The following SLC39A4 variants were observed in gnomAD, a reference collection of about 807,000 sequenced individuals.
SLC39A4 encodes the protein solute carrier family 39 member 4, also known as zinc transporter ZIP4.
Under a neutral mutation model 56.6 loss-of-function variants are expected in SLC39A4, and 49 were observed. The ratio of observed to expected loss-of-function variants is 0.87; its 90% CI spans 0.69 to 1.10. The LOEUF (loss-of-function observed/expected upper bound fraction) is 1.10, where lower values mean the gene tolerates loss of function less well. Ranked by LOEUF, SLC39A4 falls within the 50% of genes least tolerant of loss-of-function variation. SLC39A4 has a pLI of 0.00. For synonymous variants in SLC39A4, 540 were observed against 420.4 expected (o/e 1.28, Z -3.48); for missense variants, 993 against 864.2 (o/e 1.15, Z -1.87).
Position 144,415,161 on chromosome 8 carries a change from C to T in SLC39A4, c.668-51G>A, listed in dbSNP as rs1029585897. On this transcript the variant is annotated intron_variant, in intron 3 of 11. Transcript: ENST00000301305. ...CGAGTCTGTGTGGGCTCCGGCCCTG[C>T]CCCCCAGGGACGTGGAGGCTGGGGA... is the stretch of plus-strand genomic sequence containing the variant. 3.1e-6 allele frequency: 5 copies of T among 1,612,534 alleles called. No homozygotes were observed. The Admixed American group carries it at 5.0e-5, about 16-fold the overall frequency.
chr8:144,416,234 C>T lies in SLC39A4; in HGVS notation c.193-143G>A, dbSNP rs1172113497. 3.1e-5 allele frequency: 49 copies of T among 1,579,138 alleles called. 1 individual carries two copies. The South Asian group carries it at 3.7e-4, about 12-fold the overall frequency. ...CCTCTCTCAACCCCTGGCGCCCTTCCGTCTCCCCAGGCCCCTGTCCTGCTT... is the reference window on the plus strand; with the variant it reads ...CCTCTCTCAACCCCTGGCGCCCTTCTGTCTCCCCAGGCCCCTGTCCTGCTT... On this transcript the variant is annotated intron_variant, in intron 1 of 11. Coordinates refer to ENST00000301305, the MANE Select transcript of SLC39A4 (RefSeq NM_130849.4).
At chr8:144,416,422 T>C (rs1322965901) in intron 1 of SLC39A4, 176 bp downstream of exon 1, 2 of 1,447,508 alleles carry the variant, frequency 1.4e-6, no homozygotes, top group South Asian at 1.5e-5. Flanking sequence ...AAGGCCTGTC[T>C]GCCCTCATGA....
chr8:144,415,497 C>T, intron 2 of SLC39A4, 78 bp from the exon 3 acceptor site: 1 of 1,454,202 alleles, frequency 6.9e-7, no homozygotes, highest in Non-Finnish European at 9.3e-7. Context: ...GATGCATCTC[C>T]CACCCCAACT....
In SLC39A4 at chr8:144,415,946, T is replaced by C; in HGVS notation, c.338A>G (p.Asp113Gly). 2 of 1,594,682 alleles carry C rather than the reference T, an allele frequency of 1.3e-6. No homozygotes were observed. Among genetic ancestry groups the C allele is most frequent in the Non-Finnish European group, 1.7e-6 (2 of 1,173,198 alleles). The change falls in exon 2 of 12, where the codon GAC becomes GGC. Residue 113 changes from aspartate (D) to glycine (G), a missense_variant. Coordinates refer to ENST00000301305, the MANE Select transcript of SLC39A4 (RefSeq NM_130849.4). ...AGAGGCCCAGAGGCCAGCCCGAGCG[T>C]CCTCACAGGTGCCCTCGGGGTTGCT... ...YLSNPEGTCE[D>G]ARAGLWASHA...
Position 144,416,068 on chromosome 8 carries a change from C to T in SLC39A4, c.216G>A (p.Leu72=), listed in dbSNP as rs782722255. The T allele has an allele frequency of 1.1e-5, 17 of 1,594,966 alleles. No homozygotes were observed. The East Asian group carries it at 3.4e-4, about 32-fold the overall frequency. ...CGKCLSVEDA[L]GLGEPEGSGL... is the part of the protein sequence containing the mutation. The stretch of plus-strand genomic sequence containing the variant: ...CTGACCCCTCAGGCTCGCCCAGGCC[C>T]AGGGCGTCCTCCACAGACAGGCACT... The change falls in exon 2 of 12, where the codon CTG becomes CTA. Residue 72 remains leucine (L), a synonymous_variant. Transcript: ENST00000301305.
chr8:144,415,608 C>T (rs1379461744), intron 2 of SLC39A4, among the ~76,000 whole-genome samples, 189 bp from the exon 3 acceptor site: 1 of 152,190 alleles, frequency 6.6e-6, no homozygotes, highest in Non-Finnish European at 1.5e-5. Flanking sequence ...GGGTTCCTCC[C>T]TCATGAGGTC....
Position 144,416,736 on chromosome 8 carries a change from C to CA in SLC39A4, c.53dup (p.Thr19AspfsTer60). 1 of 1,612,654 alleles carries CA rather than the reference C, an allele frequency of 6.2e-7. No homozygotes were observed. The highest frequency in any genetic ancestry group is 1.1e-5 in the South Asian group (1 of 91,050). ...CAGCAGGCGGGGACGCCGTCGCCGT[C>CA]ACCACCAGCACAGCCAGAAGCAGCC... On this transcript the variant is annotated frameshift_variant, in exon 1 of 12. Transcript: ENST00000301305. LOFTEE classifies it high-confidence loss of function.
rs537547977 is a variant in SLC39A4 at position 144,416,608 on chromosome 8, G to C, written c.182C>G (p.Pro61Arg). The part of the protein sequence containing the change: ...LADRVHCANG[P>R]CGKCLSVEDA... ...GGGTGGGGCTGTTACCTTTCCACACGGCCCGTTGGCGCAGTGCACACGGTC... is the reference window on the plus strand; with the variant it reads ...GGGTGGGGCTGTTACCTTTCCACACCGCCCGTTGGCGCAGTGCACACGGTC... The change falls in exon 1 of 12, where the codon CCG (proline) becomes CGG (arginine). Residue 61 changes from proline to arginine, a missense_variant. Physicochemically the swap from Pro to Arg is moderately radical, Grantham distance 103. Coordinates refer to ENST00000301305, the MANE Select transcript of SLC39A4 (RefSeq NM_130849.4). 6.3e-7 allele frequency: 1 copy of C among 1,588,202 alleles called. No individual in the cohort carries two copies. The highest frequency in any genetic ancestry group is 8.6e-7 in the Non-Finnish European group (1 of 1,168,720).
At chr8:144,413,593 G>C (rs1176567447) in intron 8 of SLC39A4, 26 bp from the exon 9 acceptor site, 4 of 1,549,624 alleles carry the variant, frequency 2.6e-6, no homozygotes, top group Admixed American at 2.0e-5. Context: ...AGTAAGTCCC[G>C]CCCGGAAGTG....
rs782739070 is a variant in SLC39A4 at position 144,415,972 on chromosome 8, G to A, written c.312C>T (p.Leu104=). The change falls in exon 2 of 12, where the codon CTC becomes CTT. Residue 104 remains leucine, a synonymous_variant. Coordinates refer to ENST00000301305, the MANE Select transcript of SLC39A4 (RefSeq NM_130849.4). ...CCTCACAGGTGCCCTCGGGGTTGCT[G>A]AGGTACAGGACGGCGGCGGCACTGA... is the stretch of plus-strand genomic sequence containing the variant. ...ARLSAAAVLY[L]SNPEGTCEDA... The A allele has an allele frequency of 6.3e-7, 1 of 1,594,964 alleles. No homozygotes were observed. Among genetic ancestry groups the A allele is most frequent in the Non-Finnish European group, 8.5e-7 (1 of 1,172,914 alleles).
At position 144,413,754 on chromosome 8, in the gene SLC39A4, T is replaced by G; in HGVS notation, c.1415A>C (p.Asp472Ala). 1.3e-6 allele frequency: 2 copies of G among 1,537,934 alleles called. No homozygotes were observed. The highest frequency in any genetic ancestry group is 1.7e-6 in the Non-Finnish European group (2 of 1,147,632). The change falls in exon 8 of 12, where the codon GAC becomes GCC. Residue 472 changes from aspartate (D) to alanine (A), a missense_variant. Physicochemically the swap from Asp to Ala is moderately radical, Grantham distance 126 (BLOSUM62 -2). Coordinates refer to ENST00000301305, the MANE Select transcript of SLC39A4 (RefSeq NM_130849.4). The part of the protein sequence containing the change: ...PKPPHEGSRA[D>A]LVAEESPELL... ...GGGCATCTGGCGCCCACTCACCAGG[T>G]CTGCGCGGGAGCCCTCGTGGGGGGG...
intron 6 of SLC39A4, 78 bp from the exon 7 acceptor site, chr8:144,414,173 G>A: frequency 1.3e-6 from 2 of 1,569,616 alleles, no homozygotes; most frequent in Non-Finnish European, 1.7e-6. Flanking sequence ...GGGTCAGGAG[G>A]TGGGGTGGGT....
rs538740246 is a variant in SLC39A4, at chr8:144,415,235, G to A, written c.659C>T (p.Thr220Met). ...FQQHSSEVPM[T>M]LAELSALMQR... is the part of the protein sequence containing the mutation. The stretch of plus-strand genomic sequence containing the variant: ...CCCAGCCCAGGCCTCACCGGCCAGC[G>A]TCATAGGGACCTCGCTGCTGTGCTG... Residue 220 changes from threonine to methionine, a missense_variant, in exon 3 of 12, where the codon ACG (threonine) becomes ATG (methionine). By Grantham distance (81) the Thr-to-Met change is moderately conservative (BLOSUM62 -1). Coordinates refer to ENST00000301305, the MANE Select transcript of SLC39A4 (RefSeq NM_130849.4). 141 of 1,613,014 alleles carry A rather than the reference G, an allele frequency of 8.7e-5. No individual in the cohort carries two copies. Among genetic ancestry groups the A allele is most frequent in the Middle Eastern group, 6.6e-4 (4 of 6,060 alleles).
chr8:144,415,492 A>G, intron 2 of SLC39A4, 73 bp from the exon 3 acceptor site: 2 of 1,466,890 alleles, frequency 1.4e-6, no homozygotes, highest in African/African-American at 1.4e-5. Context: ...CCCTGGATGC[A>G]TCTCCCACCC....
Position 144,413,389 on chromosome 8 carries a change from T to A in SLC39A4, c.1475A>T (p.Glu492Val), listed in dbSNP as rs782328241. 11 of 1,609,286 alleles carry A rather than the reference T, an allele frequency of 6.8e-6. No homozygotes were observed. The highest frequency in any genetic ancestry group is 9.3e-6 in the Non-Finnish European group (11 of 1,179,144). The stretch of plus-strand genomic sequence containing the variant: ...GATCATATAGGGCAGTAGCCTCAAC[T>A]CTGCGGGCGCAGAGGCCCGTGGGTT... ...LNPEPRRLSP[E>V]LRLLPYMITL... Residue 492 changes from glutamate to valine, a missense_variant and splice_region_variant, in exon 10 of 12, where the codon GAG (glutamate) becomes GTG (valine). Physicochemically the swap from Glu to Val is moderately radical, Grantham distance 121 (BLOSUM62 -2). Transcript: ENST00000301305.
In SLC39A4 at chr8:144,415,986, C is replaced by G; in HGVS notation, c.298G>C (p.Ala100Pro). 6.3e-7 allele frequency: 1 copy of G among 1,590,658 alleles called. No homozygotes were observed. The highest frequency in any genetic ancestry group is 8.5e-7 in the Non-Finnish European group (1 of 1,170,214). The change falls in exon 2 of 12, where the codon GCC (alanine) becomes CCC (proline). Residue 100 changes from alanine to proline, a missense_variant. Physicochemically the swap from Ala to Pro is conservative, Grantham distance 27. Coordinates refer to ENST00000301305, the MANE Select transcript of SLC39A4 (RefSeq NM_130849.4). ...ARYVARLSAA[A>P]VLYLSNPEGT... Reference sequence around the variant, plus strand: ...TCGGGGTTGCTGAGGTACAGGACGGCGGCGGCACTGAGGCGGGCGACGTAC... The same window carrying G: ...TCGGGGTTGCTGAGGTACAGGACGGGGGCGGCACTGAGGCGGGCGACGTAC...
intron 10 of SLC39A4, 44 bp downstream of exon 10, chr8:144,413,193 C>T: frequency 1.3e-6 from 2 of 1,523,694 alleles, no homozygotes; most frequent in Non-Finnish European, 1.8e-6. Flanking sequence ...CTCCCAGCCC[C>T]GTGCGGCCCC....
At chr8:144,413,627 G>T in intron 8 of SLC39A4, 60 bp from the exon 9 acceptor site, 1 of 1,547,410 alleles carries the variant, frequency 6.5e-7, no homozygotes, top group East Asian at 2.4e-5. Context: ...GTGGGGCGGG[G>T]CGGGGCCCCA....
rs182755191 is a variant in SLC39A4 at position 144,414,280 on chromosome 8, G to A, written c.1131C>T (p.Val377=). The part of the protein sequence containing the change: ...LAVGAVTGDA[V]LHLTPKVLGL... ...GGCAGACCTTGGGCGTCAGATGCAGGACAGCGTCCCCAGTGACTGCACCCA... is the reference window on the plus strand; with the variant it reads ...GGCAGACCTTGGGCGTCAGATGCAGAACAGCGTCCCCAGTGACTGCACCCA... Residue 377 remains valine (V), a synonymous_variant, in exon 6 of 12, where the codon GTC becomes GTT. Coordinates refer to ENST00000301305, the MANE Select transcript of SLC39A4 (RefSeq NM_130849.4). 1 of 1,609,182 alleles carries A rather than the reference G, an allele frequency of 6.2e-7. No individual in the cohort carries two copies. Among genetic ancestry groups the A allele is most frequent in the Non-Finnish European group, 8.5e-7 (1 of 1,178,806 alleles).
Sources: allele counts gnomAD v4.1 joint callset (sites outside exome capture counted in the v4.1 genomes callset), GRCh38; gene constraint gnomAD v4.1.1; transcripts MANE v1.5; gene names NCBI Gene and HGNC (gene_info 2026-07-23, HGNC 2026-07-21).